FRMD5: variants seen among roughly 807,000 people sequenced by gnomAD.
FRMD5 encodes the protein FERM domain-containing protein 5.
A neutral mutation model predicts 69.0 loss-of-function variants in FRMD5; 20 were observed. The observed-to-expected ratio is 0.29, with a 90% CI of 0.20 to 0.42. FRMD5 has a LOEUF of 0.42. FRMD5 is among the 10% of genes least tolerant of loss of function. The probability of loss-of-function intolerance (pLI) is 1.00; values close to 1 mark genes in which losing one functional copy is unlikely to be tolerated. For synonymous variants in FRMD5, 271 were observed against 260.1 expected (o/e 1.04, Z -0.40); for missense variants, 595 against 708.6 (o/e 0.84, Z 1.82).
At chr15:44,105,086 C>CTTTT (rs71299549) in intron 1 of FRMD5, among the ~76,000 whole-genome samples, 1 of 136,924 alleles carries the variant, frequency 7.3e-6, no homozygotes, top group African/African-American at 2.7e-5. Flanking sequence ...AAATTCTTTT[C>CTTTT]TTTTTTTTTT....
intron 1 of FRMD5, among the ~76,000 whole-genome samples, chr15:44,173,685 T>G (rs1315056671): frequency 6.6e-6 from 1 of 152,054 alleles, no homozygotes; most frequent in Non-Finnish European, 1.5e-5. Context: ...TAATTTTTTT[T>G]GTATCTGTAG....
At chr15:44,070,185 G>A (rs961820284) in intron 1 of FRMD5, among the ~76,000 whole-genome samples, 4 of 152,024 alleles carry the variant, frequency 2.6e-5, no homozygotes, top group African/African-American at 9.7e-5. Context: ...AAACCCATAG[G>A]AAACCAGGGC....
chr15:43,884,286 C>G (rs2088609120), intron 12 of FRMD5, among the ~76,000 whole-genome samples: 1 of 152,116 alleles, frequency 6.6e-6, no homozygotes, highest in Non-Finnish European at 1.5e-5. Context: ...CTTTCTGGGT[C>G]TTAGATTCTA....
chr15:44,117,491 C>T (rs78252013), intron 1 of FRMD5, among the ~76,000 whole-genome samples: 1 of 152,248 alleles, frequency 6.6e-6, no homozygotes, highest in East Asian at 1.9e-4. Flanking sequence ...AGACCTCAGG[C>T]TGAGCATTTT....
At chr15:44,043,186 A>G (rs1892277352) in intron 1 of FRMD5, among the ~76,000 whole-genome samples, 1 of 152,240 alleles carries the variant, frequency 6.6e-6, no homozygotes, top group African/African-American at 2.4e-5. Context: ...TGCTACAAAG[A>G]GAATAAAATA....
intron 1 of FRMD5, among the ~76,000 whole-genome samples, chr15:44,050,887 A>G (rs901749665): frequency 9.9e-5 from 15 of 151,584 alleles, no homozygotes; most frequent in Non-Finnish European, 2.2e-4. Context: ...CAAACTCCTG[A>G]CCTCAAGCGA....
At chr15:43,960,567 A>G (rs1259104275) in intron 1 of FRMD5, among the ~76,000 whole-genome samples, 1 of 151,388 alleles carries the variant, frequency 6.6e-6, no homozygotes, top group African/African-American at 2.4e-5. Flanking sequence ...TGTTTTCAGT[A>G]GAGACAGGGT....
chr15:43,973,353 T>C (rs866847601), intron 1 of FRMD5, among the ~76,000 whole-genome samples: 7 of 151,662 alleles, frequency 4.6e-5, no homozygotes, highest in Non-Finnish European at 1.0e-4. Context: ...TACTTTCTTG[T>C]TTGCTAATGC....
rs1300345972 is a variant in FRMD5, at chr15:43,902,254, G to A, written c.560C>T (p.Thr187Ile). The change falls in exon 7 of 14, where the codon ACA becomes ATA. Residue 187 changes from threonine to isoleucine, a missense_variant. By Grantham distance (89) the Thr-to-Ile change is moderately conservative. Coordinates refer to ENST00000417257, the MANE Select transcript of FRMD5 (RefSeq NM_032892.5). ...GAAGTTCAGCTCTGATGTTGCTGGT[G>A]TTTGACCACTGGAATAAAGAAGATG... ...EIHKTELSGQ[T>I]PATSELNFLR... 1 of 1,613,602 alleles carries A rather than the reference G, an allele frequency of 6.2e-7. No homozygotes were observed. Among genetic ancestry groups the A allele is most frequent in the Non-Finnish European group, 8.5e-7 (1 of 1,179,480 alleles).
At chr15:44,043,442 A>G (rs1025117739) in intron 1 of FRMD5, among the ~76,000 whole-genome samples, 3 of 152,200 alleles carry the variant, frequency 2.0e-5, no homozygotes, top group African/African-American at 7.2e-5. Flanking sequence ...TTCATATGGA[A>G]CCAAAAAAGA....
In FRMD5 at chr15:43,873,014, ACTAT is replaced by A. The variant is rs1041397670; in HGVS notation, c.*867_*870del. ...CACTTTGTCCAACATTTCTGACAGA[ACTAT>A]CTATCTCTGGTACCACTGAATTCGT... On this transcript the variant is annotated 3_prime_UTR_variant, in exon 14 of 14. Coordinates refer to ENST00000417257, the MANE Select transcript of FRMD5 (RefSeq NM_032892.5). The A allele has an allele frequency of 4.0e-5, 25 of 620,076 alleles. No homozygotes were observed. Among genetic ancestry groups the A allele is most frequent in the South Asian group, 4.0e-4 (18 of 45,282 alleles). 38.4% of individuals were successfully genotyped at this position (620,076 alleles called of 1,614,324 possible).
chr15:44,157,597 G>A lies in FRMD5; in HGVS notation c.102+37356C>T, dbSNP rs553021424. 4.6e-5 allele frequency among the ~76,000 whole-genome samples: 7 copies of A among 152,278 alleles called. No homozygotes were observed. The East Asian group carries it at 1.3e-3, about 29-fold the overall frequency. ...TAAAACAGAAATTTCTAAATGTGTT[G>A]TGTGAAAAACAACTATTGCTAAGTC... is the stretch of plus-strand genomic sequence containing the variant. On this transcript the variant is annotated intron_variant, in intron 1 of 13. Transcript: ENST00000417257.
At chr15:43,969,810 T>C (rs537182474) in intron 1 of FRMD5, among the ~76,000 whole-genome samples, 1 of 152,338 alleles carries the variant, frequency 6.6e-6, no homozygotes, top group African/African-American at 2.4e-5. Context: ...AAGAGATGAA[T>C]GATACTATTC....
In FRMD5 at chr15:44,069,901, CAGGTTAAGG is replaced by C. The variant is rs1893463675; in HGVS notation, c.102+125043_102+125051del. On this transcript the variant is annotated intron_variant, in intron 1 of 13. Transcript: ENST00000417257. ...TCAGTTTAATTTTTAAAAAATAGCTCAGGTTAAGGGGGAGGCAAGACAAATCAAAATCTG... is the reference window on the plus strand; with the variant it reads ...TCAGTTTAATTTTTAAAAAATAGCTCGGGAGGCAAGACAAATCAAAATCTG... 2.0e-5 allele frequency among the ~76,000 whole-genome samples: 3 copies of C among 152,106 alleles called. No individual in the cohort carries two copies. The South Asian group carries it at 6.2e-4, about 32-fold the overall frequency.
At chr15:44,175,676 A>G (rs2077882407) in intron 1 of FRMD5, among the ~76,000 whole-genome samples, 1 of 152,172 alleles carries the variant, frequency 6.6e-6, no homozygotes, top group African/African-American at 2.4e-5. Flanking sequence ...GTCTTTTTGC[A>G]GCCTTATTCA....
chr15:44,154,449 T>C (rs2077495432), intron 1 of FRMD5, among the ~76,000 whole-genome samples: 1 of 152,170 alleles, frequency 6.6e-6, no homozygotes, highest in Non-Finnish European at 1.5e-5. Flanking sequence ...ACATACTTGG[T>C]TATTGAGGGC....
chr15:43,916,964 G>A (rs1046492905), intron 4 of FRMD5, among the ~76,000 whole-genome samples: 2 of 151,966 alleles, frequency 1.3e-5, no homozygotes, highest in Admixed American at 6.6e-5. Context: ...CTTTTTAGTA[G>A]AGACGGGGTT....
chr15:43,916,616 T>C (rs2089392204), intron 4 of FRMD5, among the ~76,000 whole-genome samples: 1 of 152,096 alleles, frequency 6.6e-6, no homozygotes, highest in Non-Finnish European at 1.5e-5. Context: ...TAATCTAAGG[T>C]TAGAGAGGTT....
intron 1 of FRMD5, among the ~76,000 whole-genome samples, chr15:44,051,992 CCT>C (rs1054412261): frequency 6.7e-6 from 1 of 148,814 alleles, no homozygotes. Flanking sequence ...TTTTTTTTTT[CCT>C]CTTTATGTGC....
Sources: allele counts gnomAD v4.1 joint callset (sites outside exome capture counted in the v4.1 genomes callset), GRCh38; gene constraint gnomAD v4.1.1; transcripts MANE v1.5; gene names NCBI Gene and HGNC (gene_info 2026-07-23, HGNC 2026-07-21).